The following PCDHA8 variants were observed in gnomAD, a reference collection of about 807,000 sequenced individuals.
PCDHA8 encodes protocadherin alpha-8.
A neutral mutation model predicts 61.8 loss-of-function variants in PCDHA8; 53 were observed. That is an observed-to-expected ratio of 0.86 (90% CI 0.69 to 1.08). PCDHA8 has a LOEUF of 1.08. Among genes scored for constraint, PCDHA8 ranks in the 50% least tolerant of loss-of-function variants. The pLI is 0.00. For synonymous variants in PCDHA8, 618 were observed against 556.6 expected, an observed-to-expected ratio of 1.11 and a Z score of -1.55; for missense variants, 1,293 against 1,245.0, an observed-to-expected ratio of 1.04 and a Z score of -0.58.
chr5:140,861,413 G>T (rs189790760), intron 1 of PCDHA8: 3 of 474,952 alleles, frequency 6.3e-6, no homozygotes, highest in Non-Finnish European at 1.3e-5. Flanking sequence ...AGCTGATACC[G>T]CGCCTGTTTC....
chr5:140,868,994 A>C, intron 1 of PCDHA8: 1 of 1,510,848 alleles, frequency 6.6e-7, no homozygotes, highest in Non-Finnish European at 8.8e-7. Context: ...GCCACCGTTT[A>C]AGGATCCTTT....
intron 1 of PCDHA8, among the ~76,000 whole-genome samples, chr5:140,908,608 G>T (rs1350424326): frequency 6.6e-6 from 1 of 152,182 alleles, no homozygotes; most frequent in African/African-American, 2.4e-5. Flanking sequence ...GAAGGGCCTT[G>T]CTCCAAAATC....
chr5:140,898,414 C>T (rs1554187972), intron 1 of PCDHA8, among the ~76,000 whole-genome samples: 1 of 152,170 alleles, frequency 6.6e-6, no homozygotes, highest in Non-Finnish European at 1.5e-5. Flanking sequence ...ATACGGCTAG[C>T]CAGTTTTCCC....
chr5:140,990,148 A>T (rs1236453414), intron 3 of PCDHA8, among the ~76,000 whole-genome samples: 1 of 152,146 alleles, frequency 6.6e-6, no homozygotes, highest in African/African-American at 2.4e-5. Flanking sequence ...AGGCATAATA[A>T]TAGAAAGTTA....
intron 1 of PCDHA8, among the ~76,000 whole-genome samples, chr5:140,898,789 C>T (rs1424905656): frequency 6.6e-6 from 1 of 152,162 alleles, no homozygotes; most frequent in Non-Finnish European, 1.5e-5. Context: ...GCAGTATGGC[C>T]ATTTTCACGA....
intron 1 of PCDHA8, among the ~76,000 whole-genome samples, chr5:140,900,279 C>A (rs2067883641): frequency 6.6e-6 from 1 of 151,672 alleles, no homozygotes. Flanking sequence ...ATGTACCACA[C>A]TTTCTTTTCT....
chr5:140,984,641 C>T (rs2153834832), intron 3 of PCDHA8, among the ~76,000 whole-genome samples: 1 of 152,276 alleles, frequency 6.6e-6, no homozygotes, highest in South Asian at 2.1e-4. Context: ...TCTCTGCCTT[C>T]TCCCTGTCCT....
At chr5:140,905,766 A>G (rs782122019) in intron 1 of PCDHA8, among the ~76,000 whole-genome samples, 15 of 152,144 alleles carry the variant, frequency 9.9e-5, no homozygotes, top group African/African-American at 2.7e-4. Flanking sequence ...GGTTAAGTAT[A>G]TTCCGAAGTG....
At chr5:140,962,854 G>A (rs1396651838) in intron 1 of PCDHA8, among the ~76,000 whole-genome samples, 7 of 152,054 alleles carry the variant, frequency 4.6e-5, no homozygotes, top group African/African-American at 9.7e-5. Flanking sequence ...ACTTGTGCTC[G>A]GTTTGTAGAG....
chr5:140,994,217 T>G (rs781792763), intron 3 of PCDHA8, among the ~76,000 whole-genome samples: 2 of 152,110 alleles, frequency 1.3e-5, no homozygotes, highest in Non-Finnish European at 2.9e-5. Flanking sequence ...GGACCCAGGG[T>G]CTGTCTATGT....
In PCDHA8 at chr5:140,870,598, G is replaced by A. The variant is rs1273087028; in HGVS notation, c.2394+26883G>A. On this transcript the variant is annotated intron_variant, in intron 1 of 3. Transcript: ENST00000531613. Reference sequence around the variant, plus strand: ...CTACTCGCTGGTGGAGCGGCGGTTGGGCGACCGCGCGCTGTCGAGCTACGT... The same window carrying A: ...CTACTCGCTGGTGGAGCGGCGGTTGAGCGACCGCGCGCTGTCGAGCTACGT... The A allele has an allele frequency of 3.7e-6, 6 of 1,613,282 alleles. No individual in the cohort carries two copies. The African/African-American group carries it at 8.0e-5, about 22-fold the overall frequency.
chr5:140,873,079 T>TC (rs544069393), intron 1 of PCDHA8, among the ~76,000 whole-genome samples: 14 of 151,958 alleles, frequency 9.2e-5, no homozygotes, highest in African/African-American at 2.4e-4. Context: ...TCTAGCTATT[T>TC]CCCCCCCGTA....
intron 1 of PCDHA8, among the ~76,000 whole-genome samples, chr5:140,960,717 TATTTTAGTCCATG>T (rs1244851083): frequency 3.3e-4 from 10 of 30,264 alleles, no homozygotes; most frequent in African/African-American, 2.5e-3. Flanking sequence ...ATACTCATCT[TATTTTAGTCCATG>T]ATTTTAGTCC....
intron 1 of PCDHA8, chr5:140,883,572 T>C: frequency 6.2e-7 from 1 of 1,614,098 alleles, no homozygotes; most frequent in Non-Finnish European, 8.5e-7. Flanking sequence ...TCGCCTTCGC[T>C]GTGGGCCACG....
chr5:140,872,785 C>T (rs781982200), intron 1 of PCDHA8, among the ~76,000 whole-genome samples: 12 of 152,072 alleles, frequency 7.9e-5, no homozygotes, highest in Non-Finnish European at 1.3e-4. Context: ...ATAATATATG[C>T]TAGTTGGCAT....
chr5:140,977,610 A>G (rs1056611698), intron 1 of PCDHA8, among the ~76,000 whole-genome samples: 1 of 152,196 alleles, frequency 6.6e-6, no homozygotes, highest in Non-Finnish European at 1.5e-5. Context: ...CCATTGAGGT[A>G]AAGTATCCCA....
At chr5:140,927,668 A>T in intron 1 of PCDHA8, 1 of 1,614,208 alleles carries the variant, frequency 6.2e-7, no homozygotes, top group Non-Finnish European at 8.5e-7. Flanking sequence ...CAAGCCTTGG[A>T]TCCAGATGAA....
In PCDHA8 at chr5:140,903,479, T is replaced by C. The variant is rs73266018; in HGVS notation, c.2394+59764T>C. On this transcript the variant is annotated intron_variant, in intron 1 of 3. Transcript: ENST00000531613. The stretch of plus-strand genomic sequence containing the variant: ...ACTTAAAATATTATTCCTTGCATTA[T>C]AGTTCTGAGCAGGTACCATAGATAA... Among the ~76,000 whole-genome samples, 476 of 152,354 alleles carry C rather than the reference T, an allele frequency of 3.1e-3. 2 individuals are homozygous for C. The highest frequency in any genetic ancestry group is 0.011 in the African/African-American group (456 of 41,586).
intron 1 of PCDHA8, among the ~76,000 whole-genome samples, chr5:140,910,102 A>G (rs1206018595): frequency 2.6e-5 from 4 of 152,184 alleles, no homozygotes; most frequent in African/African-American, 9.7e-5. Context: ...CCTCCCCTTC[A>G]TTTAAGGGAT....
Sources: gnomAD v4.1 joint callset for allele counts (sites outside exome capture counted in the v4.1 genomes callset) on GRCh38, gnomAD v4.1.1 for gene constraint, MANE v1.5 for transcripts, NCBI Gene and HGNC (gene_info 2026-07-23, HGNC 2026-07-21) for gene names.